The following ZFR variants were observed in gnomAD, a reference collection of about 807,000 sequenced individuals.
The protein encoded by ZFR is zinc finger RNA-binding protein.
Under a neutral mutation model 130.7 loss-of-function variants are expected in ZFR, and 19 were observed. That is an observed-to-expected ratio of 0.15 (90% confidence interval 0.10 to 0.21). The LOEUF (loss-of-function observed/expected upper bound fraction) is 0.21. Among genes scored for constraint, ZFR ranks in the 10% least tolerant of loss-of-function variants. The probability of loss-of-function intolerance (pLI) is 1.00; values close to 1 mark genes in which losing one functional copy is unlikely to be tolerated. For missense variants in ZFR, 872 were observed against 1,321.5 expected (o/e 0.66, Z 5.27); for synonymous variants, 466 against 456.9 (o/e 1.02, Z -0.25).
intron 8 of ZFR, among the ~76,000 whole-genome samples, chr5:32,400,840 T>C (rs1333982491): frequency 2.6e-5 from 4 of 152,072 alleles, no homozygotes; most frequent in Admixed American, 1.3e-4. Context: ...GGTCAGACCC[T>C]GTCTCCCAAA....
chr5:32,387,623 C>G lies in ZFR; in HGVS notation c.2425G>C (p.Val809Leu). The G allele has an allele frequency of 6.2e-7, 1 of 1,613,600 alleles. No individual in the cohort carries two copies. The highest frequency in any genetic ancestry group is 8.5e-7 in the Non-Finnish European group (1 of 1,179,678). ...LLRGDRNVNLVLLCSEKPSKT... is the reference protein window; with the variant it reads ...LLRGDRNVNLLLLCSEKPSKT... ...GAAGGTTTCTCTGAGCACAGCAAAA[C>G]AAGGTTGACATTTCTATCTCCTCGG... is the stretch of plus-strand genomic sequence containing the variant. Residue 809 changes from valine (V) to leucine (L), a missense_variant, in exon 14 of 20, where the codon GTT (valine) becomes CTT (leucine). Coordinates refer to ENST00000265069, the MANE Select transcript of ZFR (RefSeq NM_016107.5).
chr5:32,366,268 C>T (rs926992700), intron 17 of ZFR, among the ~76,000 whole-genome samples: 8 of 152,114 alleles, frequency 5.3e-5, no homozygotes, highest in Admixed American at 1.3e-4. Flanking sequence ...ACGTAACTTT[C>T]GATAAATGCC....
intron 2 of ZFR, among the ~76,000 whole-genome samples, chr5:32,421,202 C>T (rs1753949589): frequency 6.6e-6 from 1 of 152,106 alleles, no homozygotes; most frequent in Non-Finnish European, 1.5e-5. Context: ...AGCCACATTA[C>T]TAAGGCAGAA....
At chr5:32,411,876 G>A (rs1047818920) in intron 5 of ZFR, among the ~76,000 whole-genome samples, 6 of 152,074 alleles carry the variant, frequency 3.9e-5, no homozygotes, top group Non-Finnish European at 5.9e-5. Context: ...TTTTATATAT[G>A]TGACTTGAGC....
rs1753237443 is a variant in ZFR, at chr5:32,393,912, G to A, written c.1979+1247C>T. On this transcript the variant is annotated intron_variant, in intron 11 of 19. Coordinates refer to ENST00000265069, the MANE Select transcript of ZFR (RefSeq NM_016107.5). ...AGAAACAAAAAAGTGCCTCAAGGAG[G>A]GTCAAGATATTAATAACTATAATAA... 5.3e-5 allele frequency among the ~76,000 whole-genome samples: 8 copies of A among 152,076 alleles called. No homozygotes were observed. In the South Asian group the frequency reaches 1.5e-3, roughly 28 times the overall value.
chr5:32,378,688 A>G (rs1247106133), intron 17 of ZFR, among the ~76,000 whole-genome samples: 6 of 152,058 alleles, frequency 3.9e-5, no homozygotes, highest in African/African-American at 1.4e-4. Context: ...GCGTTACTGA[A>G]TCTCCTATTT....
At chr5:32,414,149 T>A (rs1271007439) in intron 5 of ZFR, among the ~76,000 whole-genome samples, 1 of 152,172 alleles carries the variant, frequency 6.6e-6, no homozygotes, top group African/African-American at 2.4e-5. Flanking sequence ...CTACTGACAT[T>A]TACCCCATGT....
At chr5:32,433,938 T>C (rs1554074967) in intron 2 of ZFR, among the ~76,000 whole-genome samples, 1 of 152,156 alleles carries the variant, frequency 6.6e-6, no homozygotes, top group Non-Finnish European at 1.5e-5. Context: ...CTGGGCACGG[T>C]GGCACATGCC....
intron 5 of ZFR, 58 bp downstream of exon 5, chr5:32,414,911 T>C: frequency 6.9e-7 from 1 of 1,456,852 alleles, no homozygotes; most frequent in South Asian, 1.3e-5. Context: ...TCAAGATAGT[T>C]TCTACTAAGT....
Position 32,387,617 on chromosome 5 carries a change from G to C in ZFR, c.2431C>G (p.Leu811Val). ...GTCTTTGAAGGTTTCTCTGAGCACA[G>C]CAAAACAAGGTTGACATTTCTATCT... ...RGDRNVNLVL[L>V]CSEKPSKTLL... The change falls in exon 14 of 20, where the codon CTG (leucine) becomes GTG (valine). Residue 811 changes from leucine to valine, a missense_variant. Around this residue, in one of 7 missense-constraint regions of ZFR, gnomAD observed 225 missense variants for 282.4 expected, o/e 0.80. Coordinates refer to ENST00000265069, the MANE Select transcript of ZFR (RefSeq NM_016107.5). The C allele has an allele frequency of 6.2e-7, 1 of 1,613,512 alleles. No individual in the cohort carries two copies. The highest frequency in any genetic ancestry group is 8.5e-7 in the Non-Finnish European group (1 of 1,179,652).
intron 19 of ZFR, among the ~76,000 whole-genome samples, chr5:32,357,256 A>G (rs1171708639): frequency 6.6e-6 from 1 of 151,298 alleles, no homozygotes; most frequent in Non-Finnish European, 1.5e-5. Flanking sequence ...ATGACTGGCT[A>G]TAACTTGTAT....
At chr5:32,441,068 G>A (rs1754462518) in intron 2 of ZFR, among the ~76,000 whole-genome samples, 3 of 152,108 alleles carry the variant, frequency 2.0e-5, no homozygotes, top group Non-Finnish European at 2.9e-5. Flanking sequence ...CCACCTCCCC[G>A]GTTCAAGCGA....
intron 2 of ZFR, among the ~76,000 whole-genome samples, chr5:32,428,554 G>C (rs758840122): frequency 3.9e-5 from 6 of 152,228 alleles, no homozygotes; most frequent in Non-Finnish European, 8.8e-5. Flanking sequence ...TTCAACCTGA[G>C]TGAAGAGGAA....
chr5:32,409,062 C>T (rs891146308), intron 5 of ZFR, among the ~76,000 whole-genome samples: 2 of 152,124 alleles, frequency 1.3e-5, no homozygotes, highest in African/African-American at 2.4e-5. Context: ...ATTTGAGAGA[C>T]CAAAAAGTTT....
intron 2 of ZFR, among the ~76,000 whole-genome samples, chr5:32,434,363 T>C (rs1451640718): frequency 1.3e-5 from 2 of 152,244 alleles, no homozygotes; most frequent in Non-Finnish European, 2.9e-5. Flanking sequence ...ATTCATCTTA[T>C]GATCTATCTG....
At chr5:32,397,125 G>C in intron 10 of ZFR, 94 bp downstream of exon 10, 4 of 1,411,474 alleles carry the variant, frequency 2.8e-6, no homozygotes, top group Non-Finnish European at 3.8e-6. Context: ...TTGGCAAGCT[G>C]TGTTTAGATG....
intron 15 of ZFR, among the ~76,000 whole-genome samples, chr5:32,381,184 T>G (rs1474606453): frequency 6.6e-6 from 1 of 152,118 alleles, no homozygotes; most frequent in African/African-American, 2.4e-5. Flanking sequence ...TTTAAGCTGA[T>G]TAAAACATAA....
chr5:32,374,668 GCTAGT>G (rs1264496504), intron 17 of ZFR, among the ~76,000 whole-genome samples: 5 of 150,308 alleles, frequency 3.3e-5, no homozygotes, highest in African/African-American at 9.8e-5. Context: ...TACTTTACTG[GCTAGT>G]CTAATCAATG....
chr5:32,430,019 C>T (rs997766472), intron 2 of ZFR, among the ~76,000 whole-genome samples: 8 of 144,668 alleles, frequency 5.5e-5, no homozygotes, highest in Admixed American at 2.9e-4. Flanking sequence ...AACTGCACCA[C>T]CGCAATCCTG....
Sources: allele counts gnomAD v4.1 joint callset (sites outside exome capture counted in the v4.1 genomes callset), GRCh38; gene constraint gnomAD v4.1.1; regional missense constraint gnomAD v4.1.1; transcripts MANE v1.5; gene names NCBI Gene and HGNC (gene_info 2026-07-23, HGNC 2026-07-21).